BRAF: variants seen among roughly 807,000 people sequenced by gnomAD.
The protein encoded by BRAF is B-Raf proto-oncogene, serine/threonine kinase, also known as serine/threonine-protein kinase B-raf.
BRAF carries 16 observed loss-of-function variants against 104.6 expected under a neutral mutation model. That is an observed-to-expected ratio of 0.15 (90% CI 0.10 to 0.23). The LOEUF (loss-of-function observed/expected upper bound fraction) is 0.23, where lower values mean the gene tolerates loss of function less well. Among genes scored for constraint, BRAF ranks in the 10% least tolerant of loss-of-function variants. The pLI is 1.00. For synonymous variants in BRAF, 310 were observed against 341.6 expected (o/e 0.91, Z 1.02); for missense variants, 541 against 937.3 (o/e 0.58, Z 5.52).
rs1390547132 is a variant in BRAF at position 140,924,715 on chromosome 7, G to A, written c.-12C>T. The A allele has an allele frequency of 2.1e-6, 2 of 935,158 alleles. No homozygotes were observed. Among genetic ancestry groups the A allele is most frequent in the South Asian group, 1.4e-5 (1 of 69,348 alleles). The allele number at this position is 935,158 out of a possible 1,614,324, so 57.9% of individuals were successfully genotyped here. On this transcript the variant is annotated 5_prime_UTR_variant, in exon 1 of 20. Transcript: ENST00000644969. The surrounding 1 kb of genome is among the most constrained non-coding windows in gnomAD (Gnocchi z 4.2). ...CTCAGCGCCGCCATCTTATAACCGA[G>A]AGCCGGGGCCCGAGCGGCCGCTGTC...
intron 9 of BRAF, among the ~76,000 whole-genome samples, chr7:140,786,097 C>T (rs1232837292): frequency 1.3e-5 from 2 of 151,726 alleles, no homozygotes; most frequent in Admixed American, 1.3e-4. Context: ...ATGTATTAGG[C>T]AAAATTATCA....
intron 1 of BRAF, among the ~76,000 whole-genome samples, chr7:140,886,954 G>T (rs1289963721): frequency 3.3e-5 from 5 of 152,156 alleles, no homozygotes; most frequent in African/African-American, 1.2e-4. Context: ...CAACAAGCCA[G>T]AGAGGTACTG....
intron 7 of BRAF, 170 bp downstream of exon 7, chr7:140,800,192 C>T (rs1802938372): frequency 1.0e-5 from 11 of 1,064,700 alleles, no homozygotes; most frequent in Non-Finnish European, 1.4e-5. Flanking sequence ...GCTTTAATCC[C>T]ATTTATTTGT....
chr7:140,796,083 G>A (rs1477763878), intron 7 of BRAF, among the ~76,000 whole-genome samples: 2 of 152,188 alleles, frequency 1.3e-5, no homozygotes, highest in Non-Finnish European at 2.9e-5. Flanking sequence ...AGGTGCAGTG[G>A]CTCATGCCTG....
At chr7:140,819,271 C>T (rs1311138740) in intron 3 of BRAF, among the ~76,000 whole-genome samples, 1 of 152,048 alleles carries the variant, frequency 6.6e-6, no homozygotes, top group African/African-American at 2.4e-5. Flanking sequence ...CCAACAATCA[C>T]ACAAAAAGAT....
chr7:140,890,988 T>TA (rs1357165564), intron 1 of BRAF, among the ~76,000 whole-genome samples: 2 of 152,240 alleles, frequency 1.3e-5, no homozygotes, highest in African/African-American at 4.8e-5. Flanking sequence ...ATGCACTTTT[T>TA]AAAAGACTAA....
chr7:140,915,689 G>A (rs1486533339), intron 1 of BRAF, among the ~76,000 whole-genome samples: 1 of 152,050 alleles, frequency 6.6e-6, no homozygotes, highest in Non-Finnish European at 1.5e-5. Context: ...ACCCATCCTG[G>A]CCTCCCAAAG....
chr7:140,783,112 CCAGGTAATGAGG>C lies in BRAF; in HGVS notation c.1331_1342del (p.Ala444_Pro447del). On this transcript the variant is annotated inframe_deletion, in exon 11 of 20. Transcript: ENST00000644969. ...TAAGGCTTTCACGTTAGTTAGTGAG[CCAGGTAATGAGG>C]CAGGGGGGGTAGCAGACAAACCTGT... The C allele has an allele frequency of 6.2e-7, 1 of 1,613,958 alleles. No homozygotes were observed. Among genetic ancestry groups the C allele is most frequent in the Non-Finnish European group, 8.5e-7 (1 of 1,180,000 alleles).
chr7:140,750,404 C>T (rs1032514831), intron 16 of BRAF, among the ~76,000 whole-genome samples: 7 of 152,144 alleles, frequency 4.6e-5, no homozygotes, highest in East Asian at 1.9e-4. Context: ...GAATGACCCG[C>T]GGAGCCTTAA....
intron 1 of BRAF, among the ~76,000 whole-genome samples, chr7:140,899,085 C>T (rs1477358669): frequency 6.6e-6 from 1 of 151,920 alleles, no homozygotes; most frequent in Admixed American, 6.6e-5. Flanking sequence ...ATGAATAATA[C>T]TGTTATGAGC....
intron 1 of BRAF, among the ~76,000 whole-genome samples, chr7:140,864,165 T>C (rs905206461): frequency 3.3e-5 from 5 of 151,968 alleles, no homozygotes; most frequent in African/African-American, 4.8e-5. Context: ...TAAGCAACCA[T>C]AGTTAAGCAA....
chr7:140,878,469 A>G (rs955282666), intron 1 of BRAF, among the ~76,000 whole-genome samples: 6 of 152,206 alleles, frequency 3.9e-5, no homozygotes, highest in African/African-American at 1.4e-4. Flanking sequence ...CAAGAAAGTG[A>G]AAAAAACCTA....
At chr7:140,717,443 T>A (rs181290230), downstream of BRAF, among the ~76,000 whole-genome samples, 5 of 150,672 alleles carry the variant, frequency 3.3e-5, no homozygotes, top group African/African-American at 7.3e-5. Flanking sequence ...GCTAATTAAA[T>A]TTTTTTTTTG....
chr7:140,754,068 T>C (rs1385361114), intron 15 of BRAF, 119 bp downstream of exon 14: 1 of 1,081,068 alleles, frequency 9.3e-7, no homozygotes, highest in Non-Finnish European at 1.4e-6. Flanking sequence ...CCTTTATTAA[T>C]TCTCTTTACA....
intron 1 of BRAF, among the ~76,000 whole-genome samples, chr7:140,918,915 A>T (rs1451834205): frequency 1.3e-5 from 2 of 151,986 alleles, no homozygotes; most frequent in African/African-American, 4.8e-5. Flanking sequence ...TGAGGCGGGC[A>T]GATCACGAGG....
chr7:140,795,297 T>G (rs1035696341), intron 7 of BRAF, among the ~76,000 whole-genome samples: 6 of 152,046 alleles, frequency 3.9e-5, no homozygotes, highest in African/African-American at 1.2e-4. Flanking sequence ...TTGTAAACAC[T>G]TGGAAGGATG....
chr7:140,900,363 T>C (rs894487168), intron 1 of BRAF, among the ~76,000 whole-genome samples: 25 of 152,188 alleles, frequency 1.6e-4, no homozygotes, highest in African/African-American at 5.8e-4. Context: ...GCTTTCAGGG[T>C]TTCCCCTTTT....
chr7:140,826,194 C>T (rs1421124976), intron 3 of BRAF, among the ~76,000 whole-genome samples: 1 of 152,108 alleles, frequency 6.6e-6, no homozygotes, highest in Non-Finnish European at 1.5e-5. Context: ...TTAAACATTT[C>T]CTATGTAATT....
intron 18 of BRAF, among the ~76,000 whole-genome samples, chr7:140,735,853 T>C (rs1282549423): frequency 1.3e-5 from 2 of 152,148 alleles, no homozygotes; most frequent in African/African-American, 4.8e-5. Flanking sequence ...CCACCATGCC[T>C]GGCTGAAAAT....
Sources: allele counts gnomAD v4.1 joint callset (sites outside exome capture counted in the v4.1 genomes callset), GRCh38; gene constraint gnomAD v4.1.1; non-coding constraint Gnocchi (gnomAD v3.1); transcripts MANE v1.5; gene names NCBI Gene and HGNC (gene_info 2026-07-23, HGNC 2026-07-21).